GNS: variants seen among roughly 807,000 people sequenced by gnomAD.
The protein encoded by GNS is N-acetylglucosamine-6-sulfatase.
A neutral mutation model predicts 69.7 loss-of-function variants in GNS; 40 were observed. The observed-to-expected ratio is 0.57, with a 90% confidence interval of 0.45 to 0.75. The LOEUF (loss-of-function observed/expected upper bound fraction) is 0.75, where lower values mean the gene tolerates loss of function less well. GNS is among the 30% of genes least tolerant of loss of function. The pLI, the probability that GNS is intolerant of heterozygous loss-of-function variation, is 0.00. For missense variants in GNS, 565 were observed against 685.5 expected, an observed-to-expected ratio of 0.82 and a Z score of 1.96; for synonymous variants, 243 against 251.6, an observed-to-expected ratio of 0.97 and a Z score of 0.32.
chr12:64,756,051 G>C (rs1480488896), intron 1 of GNS, among the ~76,000 whole-genome samples: 1 of 152,132 alleles, frequency 6.6e-6, no homozygotes, highest in African/African-American at 2.4e-5. Context: ...ATAAAATCAA[G>C]AAAGTGATAA....
At chr12:64,753,813 A>T (rs1173586121) in intron 1 of GNS, among the ~76,000 whole-genome samples, 2 of 152,222 alleles carry the variant, frequency 1.3e-5, no homozygotes, top group East Asian at 3.8e-4. Flanking sequence ...TAGATCCAGA[A>T]GAGGCTGCCA....
intron 1 of GNS, chr12:64,756,649 G>A: frequency 1.2e-6 from 1 of 852,586 alleles, no homozygotes; most frequent in Non-Finnish European, 1.9e-6. Flanking sequence ...TGAAGCACAA[G>A]TATAAAAATC....
chr12:64,728,528 A>C (rs1287835113), intron 10 of GNS, among the ~76,000 whole-genome samples: 3 of 152,210 alleles, frequency 2.0e-5, no homozygotes, highest in Non-Finnish European at 4.4e-5. Context: ...TCACAGAGAG[A>C]GGTCTCCTTC....
chr12:64,743,880 T>C (rs1175047154), intron 5 of GNS, among the ~76,000 whole-genome samples: 1 of 152,240 alleles, frequency 6.6e-6, no homozygotes, highest in East Asian at 1.9e-4. Context: ...GCATGCTACA[T>C]ACATGTTGTT....
Position 64,715,112 on chromosome 12 carries a change from C to G in GNS, c.*1629G>C, listed in dbSNP as rs769056238. On this transcript the variant is annotated 3_prime_UTR_variant, in exon 14 of 14. Coordinates refer to ENST00000258145, the MANE Select transcript of GNS (RefSeq NM_002076.4). ...AAAATCGCTTATTGCCTGAGTTGAACAAGTTACAAACCACAGCTCTTCCTC... is the reference window on the plus strand; with the variant it reads ...AAAATCGCTTATTGCCTGAGTTGAAGAAGTTACAAACCACAGCTCTTCCTC... 4.6e-5 allele frequency: 7 copies of G among 152,628 alleles called. No homozygotes were observed. The highest frequency in any genetic ancestry group is 1.7e-4 in the African/African-American group (7 of 41,454). 9.5% of individuals were successfully genotyped at this position (152,628 alleles called of 1,614,324 possible). A position where few individuals can be genotyped will look rare whatever the true frequency, so the allele number is the denominator to read the frequency against.
At position 64,737,123 on chromosome 12, in the gene GNS, A is replaced by G; in HGVS notation, c.995-16T>C. The G allele has an allele frequency of 7.8e-7, 1 of 1,281,266 alleles. No homozygotes were observed. Among genetic ancestry groups the G allele is most frequent in the Non-Finnish European group, 1.1e-6 (1 of 875,920 alleles). The allele number at this position is 1,281,266 out of a possible 1,614,324, so 79.4% of individuals were successfully genotyped here. A position where few individuals can be genotyped will look rare whatever the true frequency, so the allele number is the denominator to read the frequency against. ...GAAAACTGTCCTGAAAACAAAACACACAATGTAAAGATGGAGCCAAGACAG... is the reference window on the plus strand; with the variant it reads ...GAAAACTGTCCTGAAAACAAAACACGCAATGTAAAGATGGAGCCAAGACAG... On this transcript the variant is annotated splice_polypyrimidine_tract_variant and intron_variant, in intron 8 of 13. Coordinates refer to ENST00000258145, the MANE Select transcript of GNS (RefSeq NM_002076.4).
rs1028250406 is a variant in GNS at position 64,714,199 on chromosome 12, C to T, written c.*2542G>A. The T allele has an allele frequency of 6.6e-6, 1 of 152,198 alleles. No homozygotes were observed. The highest frequency in any genetic ancestry group is 1.5e-5 in the Non-Finnish European group (1 of 68,048). 9.4% of individuals were successfully genotyped at this position (152,198 alleles called of 1,614,324 possible). ...TGCTCAAAAGGTGTTCCCTACTTTG[C>T]ATGAGAGGGAGAGCTTTGTAACAGG... is the stretch of plus-strand genomic sequence containing the variant. On this transcript the variant is annotated 3_prime_UTR_variant, in exon 14 of 14. Transcript: ENST00000258145.
chr12:64,756,760 A>G, intron 1 of GNS: 1 of 1,484,902 alleles, frequency 6.7e-7, no homozygotes, highest in Admixed American at 2.0e-5. Context: ...ATTCTGAAAA[A>G]GCCTAGAAGA....
intron 5 of GNS, 56 bp from the exon 6 acceptor site, chr12:64,743,364 T>C (rs1869806564): frequency 4.0e-6 from 5 of 1,240,354 alleles, no homozygotes; most frequent in African/African-American, 1.5e-5. Flanking sequence ...GAGTATTTAA[T>C]AGATAAATGT....
Position 64,737,544 on chromosome 12 carries a change from T to C in GNS, c.995-437A>G, listed in dbSNP as rs1278973743. Among the ~76,000 whole-genome samples, 6 of 152,170 alleles carry C rather than the reference T, an allele frequency of 3.9e-5. 2 individuals are homozygous for C. The highest frequency in any genetic ancestry group is 3.3e-4 in the Admixed American group (5 of 15,276). On this transcript the variant is annotated intron_variant, in intron 8 of 13. Transcript: ENST00000258145. ...AGGGGAAGTTCTTCTCTGAGGAATTTCAGCTAATAAATACAAAAGAAAGGA... is the reference window on the plus strand; with the variant it reads ...AGGGGAAGTTCTTCTCTGAGGAATTCCAGCTAATAAATACAAAAGAAAGGA...
chr12:64,718,787 C>A (rs532654345), intron 13 of GNS, among the ~76,000 whole-genome samples: 1 of 152,228 alleles, frequency 6.6e-6, no homozygotes, highest in East Asian at 1.9e-4. Flanking sequence ...TAACTGCTAT[C>A]GACATCTAAC....
chr12:64,754,590 T>A (rs1284341890), intron 1 of GNS, among the ~76,000 whole-genome samples: 54 of 151,858 alleles, frequency 3.6e-4, no homozygotes, highest in Non-Finnish European at 1.3e-4. Context: ...CAGGGCCACA[T>A]AGGAATTTAG....
At chr12:64,735,064 C>T (rs1282581118) in intron 9 of GNS, among the ~76,000 whole-genome samples, 3 of 152,088 alleles carry the variant, frequency 2.0e-5, no homozygotes, top group Admixed American at 6.5e-5. Flanking sequence ...GAGCTGAGAT[C>T]GCACCACTGC....
At chr12:64,741,523 T>C (rs1051856762) in intron 6 of GNS, among the ~76,000 whole-genome samples, 1 of 152,004 alleles carries the variant, frequency 6.6e-6, no homozygotes, top group Non-Finnish European at 1.5e-5. Flanking sequence ...TGGCCTCAGG[T>C]GATCCTCTTG....
In GNS at chr12:64,730,062, C is replaced by T. The variant is rs1054865563; in HGVS notation, c.1099-1005G>A. 3.9e-5 allele frequency among the ~76,000 whole-genome samples: 6 copies of T among 152,286 alleles called. No individual in the cohort carries two copies. In the East Asian group the frequency reaches 1.2e-3, roughly 29 times the overall value. Reference sequence around the variant, plus strand: ...AGAGAGAATGTAAGCATAGAAGTCACTTGGTCACAGGCTAGAAAAATCTTC... The same window carrying T: ...AGAGAGAATGTAAGCATAGAAGTCATTTGGTCACAGGCTAGAAAAATCTTC... On this transcript the variant is annotated intron_variant, in intron 9 of 13. Coordinates refer to ENST00000258145, the MANE Select transcript of GNS (RefSeq NM_002076.4).
intron 5 of GNS, among the ~76,000 whole-genome samples, chr12:64,743,736 A>C (rs1049661740): frequency 5.9e-5 from 9 of 152,234 alleles, no homozygotes; most frequent in Non-Finnish European, 2.9e-5. Flanking sequence ...AAATATGTAG[A>C]AAGTAGATGT....
At chr12:64,747,115 C>T (rs1428069545) in intron 3 of GNS, among the ~76,000 whole-genome samples, 2 of 152,218 alleles carry the variant, frequency 1.3e-5, no homozygotes, top group African/African-American at 4.8e-5. Flanking sequence ...CAGGTCACCA[C>T]GAGGTATCCC....
chr12:64,732,986 T>C (rs1869451519), intron 9 of GNS, among the ~76,000 whole-genome samples: 2 of 151,980 alleles, frequency 1.3e-5, no homozygotes, highest in South Asian at 4.1e-4. Flanking sequence ...CAAATGAAAG[T>C]CCTTAGAAAA....
intron 9 of GNS, among the ~76,000 whole-genome samples, chr12:64,731,125 G>A (rs1869377677): frequency 6.6e-6 from 1 of 152,172 alleles, no homozygotes; most frequent in Non-Finnish European, 1.5e-5. Context: ...CACCCGAGCT[G>A]GAGTGCAGTG....
Sources: gnomAD v4.1 joint callset for allele counts (sites outside exome capture counted in the v4.1 genomes callset) on GRCh38, gnomAD v4.1.1 for gene constraint, MANE v1.5 for transcripts, NCBI Gene and HGNC (gene_info 2026-07-23, HGNC 2026-07-21) for gene names.